Variants in UBE2D4 observed in about 807,000 individuals in gnomAD.
UBE2D4 encodes ubiquitin conjugating enzyme E2 D4, also known as ubiquitin-conjugating enzyme E2 D4.
UBE2D4 carries 17 observed loss-of-function variants against 23.0 expected under a neutral mutation model. The observed-to-expected ratio is 0.74, with a 90% CI of 0.51 to 1.11. The LOEUF (loss-of-function observed/expected upper bound fraction) is 1.11, where lower values mean the gene tolerates loss of function less well. Among genes scored for constraint, UBE2D4 ranks in the 50% least tolerant of loss-of-function variants. UBE2D4 has a pLI of 0.00. For missense variants in UBE2D4, 139 were observed against 181.8 expected, an observed-to-expected ratio of 0.76 and a Z score of 1.35; for synonymous variants, 61 against 69.4, an observed-to-expected ratio of 0.88 and a Z score of 0.60.
intron 1 of UBE2D4, among the ~76,000 whole-genome samples, chr7:43,933,127 TATATAC>T (rs924819896): frequency 6.7e-6 from 1 of 149,940 alleles, no homozygotes; most frequent in Non-Finnish European, 1.5e-5. Flanking sequence ...TATATGTGTG[TATATAC>T]ATATACGTAC....
intron 1 of UBE2D4, 111 bp downstream of exon 1, chr7:43,926,667 C>G: frequency 4.2e-6 from 5 of 1,202,540 alleles, no homozygotes; most frequent in Non-Finnish European, 5.6e-6. Flanking sequence ...GTCGCGGATA[C>G]ACCTGCCTGG....
chr7:43,935,362 T>C (rs1448902271), intron 1 of UBE2D4, among the ~76,000 whole-genome samples: 1 of 152,232 alleles, frequency 6.6e-6, no homozygotes, highest in Non-Finnish European at 1.5e-5. Flanking sequence ...ATATTTTTAC[T>C]GCTTCATCCT....
At chr7:43,941,063 C>T (rs1323996096) in intron 2 of UBE2D4, 3 of 152,200 alleles carry the variant, frequency 2.0e-5, no homozygotes, top group Non-Finnish European at 2.9e-5. Flanking sequence ...TGTGCTCCCA[C>T]CCCAAACCTT....
intron 1 of UBE2D4, among the ~76,000 whole-genome samples, chr7:43,933,072 T>C (rs1008580204): frequency 5.2e-4 from 77 of 147,018 alleles, no homozygotes; most frequent in African/African-American, 1.7e-3. Context: ...TATACACACA[T>C]ATATATACAC....
chr7:43,953,242 C>T lies in UBE2D4; in HGVS notation c.*547C>T, dbSNP rs150894469. 2.2e-6 allele frequency: 1 copy of T among 455,774 alleles called. No individual in the cohort carries two copies. The highest frequency in any genetic ancestry group is 4.4e-6 in the Non-Finnish European group (1 of 226,704). 28.2% of individuals were successfully genotyped at this position (455,774 alleles called of 1,614,324 possible). On this transcript the variant is annotated 3_prime_UTR_variant, in exon 7 of 7. Coordinates refer to ENST00000222402, the MANE Select transcript of UBE2D4 (RefSeq NM_015983.4). ...TGTCACTGGGAAGTGAAGGCCTAGCCCTGTGGCTTCCACCAGTCTCCTCCT... is the reference window on the plus strand; with the variant it reads ...TGTCACTGGGAAGTGAAGGCCTAGCTCTGTGGCTTCCACCAGTCTCCTCCT...
chr7:43,928,700 A>G (rs1300831897), intron 1 of UBE2D4, among the ~76,000 whole-genome samples: 1 of 152,180 alleles, frequency 6.6e-6, no homozygotes, highest in South Asian at 2.1e-4. Context: ...CAGAAGTGGA[A>G]TTGACAGGAC....
rs2132811987 is a variant in UBE2D4, at chr7:43,954,083, C to T, written c.*1388C>T. 1 of 152,188 alleles carries T rather than the reference C, an allele frequency of 6.6e-6. No homozygotes were observed. The highest frequency in any genetic ancestry group is 1.9e-4 in the East Asian group (1 of 5,178). 9.4% of individuals were successfully genotyped at this position (152,188 alleles called of 1,614,324 possible). ...CTACAAATTTATTGCCAGATATTTT[C>T]CCACTGAGAATACTGAGGTTATTCA... On this transcript the variant is annotated 3_prime_UTR_variant, in exon 7 of 7. Transcript: ENST00000222402.
intron 1 of UBE2D4, among the ~76,000 whole-genome samples, chr7:43,932,089 C>T (rs900097168): frequency 6.6e-6 from 1 of 152,022 alleles, no homozygotes; most frequent in African/African-American, 2.4e-5. Context: ...CCCAGGTTCA[C>T]ACCATTCTCC....
chr7:43,943,299 C>T (rs1460068540), intron 4 of UBE2D4: 2 of 567,344 alleles, frequency 3.5e-6, no homozygotes, highest in Admixed American at 6.1e-5. Flanking sequence ...GTAGCTGAGT[C>T]TGGTCATGTC....
chr7:43,950,832 G>A (rs2096000755), intron 6 of UBE2D4, 140 bp downstream of exon 6: 1 of 681,004 alleles, frequency 1.5e-6, no homozygotes, highest in Admixed American at 2.4e-5. Flanking sequence ...GTGCACAGAG[G>A]GTGTGCCCTG....
Position 43,926,518 on chromosome 7 carries a change from C to A in UBE2D4, c.-15C>A, listed in dbSNP as rs769312129. 6.5e-7 allele frequency: 1 copy of A among 1,528,666 alleles called. No individual in the cohort carries two copies. The highest frequency in any genetic ancestry group is 1.2e-5 in the South Asian group (1 of 81,858). The allele number at this position is 1,528,666 out of a possible 1,614,324, so 94.7% of individuals were successfully genotyped here. On this transcript the variant is annotated 5_prime_UTR_variant, in exon 1 of 7. Coordinates refer to ENST00000222402, the MANE Select transcript of UBE2D4 (RefSeq NM_015983.4). ...GCCCCGGCCGGGCCGCCCGGGTCCC[C>A]GGCAGCGGGGTAGGATGGCGCTAAA...
chr7:43,933,162 A>G (rs952008917), intron 1 of UBE2D4, among the ~76,000 whole-genome samples: 5 of 148,824 alleles, frequency 3.4e-5, no homozygotes, highest in African/African-American at 9.8e-5. Context: ...GTGTGGGTGT[A>G]TATATATATA....
chr7:43,926,628 T>G (rs2132741254), intron 1 of UBE2D4, 72 bp downstream of exon 1: 2 of 1,459,882 alleles, frequency 1.4e-6, no homozygotes, highest in Non-Finnish European at 1.8e-6. Context: ...GCCGCTGCCG[T>G]GAAGTGAAAG....
chr7:43,943,259 G>A, intron 4 of UBE2D4: 1 of 598,824 alleles, frequency 1.7e-6, no homozygotes. Flanking sequence ...CCTTACTGAG[G>A]CCACAGTTTG....
intron 1 of UBE2D4, 73 bp downstream of exon 1, chr7:43,926,629 G>A (rs1171609860): frequency 4.8e-6 from 7 of 1,456,066 alleles, no homozygotes; most frequent in Middle Eastern, 1.8e-4. Flanking sequence ...CCGCTGCCGT[G>A]AAGTGAAAGG....
intron 1 of UBE2D4, among the ~76,000 whole-genome samples, chr7:43,935,069 G>A (rs2095955598): frequency 6.6e-6 from 1 of 152,182 alleles, no homozygotes; most frequent in Non-Finnish European, 1.5e-5. Flanking sequence ...CAAGATCTGA[G>A]GGAATGACTT....
intron 1 of UBE2D4, among the ~76,000 whole-genome samples, chr7:43,927,690 C>T (rs549492736): frequency 1.3e-5 from 2 of 152,216 alleles, no homozygotes; most frequent in South Asian, 4.1e-4. Flanking sequence ...AAAGTATGGA[C>T]TTGGGTGTCA....
At chr7:43,946,263 C>T (rs2095986900) in intron 4 of UBE2D4, 1 of 151,964 alleles carries the variant, frequency 6.6e-6, no homozygotes, top group Non-Finnish European at 1.5e-5. Flanking sequence ...GGGAGAGGTA[C>T]CATGTACCTA....
chr7:43,945,511 G>A (rs2095984093), intron 4 of UBE2D4, among the ~76,000 whole-genome samples: 1 of 152,170 alleles, frequency 6.6e-6, no homozygotes, highest in African/African-American at 2.4e-5. Flanking sequence ...AAGATTGCAT[G>A]ATCTTTATTG....
Sources: gnomAD v4.1 joint callset for allele counts (sites outside exome capture counted in the v4.1 genomes callset) on GRCh38, gnomAD v4.1.1 for gene constraint, MANE v1.5 for transcripts, NCBI Gene and HGNC (gene_info 2026-07-23, HGNC 2026-07-21) for gene names.